CLMN: variants seen among roughly 807,000 people sequenced by gnomAD.
CLMN encodes the protein calmin.
Under a neutral mutation model 92.7 loss-of-function variants are expected in CLMN, and 57 were observed. The ratio of observed to expected loss-of-function variants is 0.61; its 90% CI spans 0.50 to 0.77. CLMN has a LOEUF of 0.77. CLMN is among the 30% of genes least tolerant of loss of function. The pLI is 0.00. For synonymous variants in CLMN, 466 were observed against 470.6 expected, an observed-to-expected ratio of 0.99 and a Z score of 0.13; for missense variants, 1,158 against 1,237.5, an observed-to-expected ratio of 0.94 and a Z score of 0.96.
At chr14:95,318,468 A>G (rs529347984) in intron 1 of CLMN, among the ~76,000 whole-genome samples, 129 of 152,226 alleles carry the variant, frequency 8.5e-4, no homozygotes, top group African/African-American at 2.0e-3. Flanking sequence ...TCCTTGCCCA[A>G]CCTAGGGGTG....
intron 1 of CLMN, among the ~76,000 whole-genome samples, chr14:95,251,421 T>G (rs1384010058): frequency 2.6e-5 from 4 of 152,238 alleles, no homozygotes; most frequent in Non-Finnish European, 4.4e-5. Flanking sequence ...GTTCCCTACT[T>G]GTCCGATTCT....
At position 95,224,400 on chromosome 14, in the gene CLMN, C is replaced by T. The variant is rs571275005; in HGVS notation, c.145-545G>A. ...CGGGTTCAAGTGATTCTCCTGCCTCCGCCTCTCGAGGAGCTGGGATTACAG... is the reference window on the plus strand; with the variant it reads ...CGGGTTCAAGTGATTCTCCTGCCTCTGCCTCTCGAGGAGCTGGGATTACAG... On this transcript the variant is annotated intron_variant, in intron 2 of 12. Transcript: ENST00000298912. Among the ~76,000 whole-genome samples, 7 of 152,200 alleles carry T rather than the reference C, an allele frequency of 4.6e-5. No individual in the cohort carries two copies. In the South Asian group the frequency reaches 6.2e-4, roughly 14 times the overall value.
At chr14:95,258,863 G>A (rs557555911) in intron 1 of CLMN, among the ~76,000 whole-genome samples, 212 of 147,614 alleles carry the variant, frequency 1.4e-3, no homozygotes, top group African/African-American at 5.1e-3. Context: ...TGTGTGTGTG[G>A]TATGTGTATG....
intron 1 of CLMN, 25 bp from the exon 2 acceptor site, chr14:95,230,158 C>A (rs774568456): frequency 6.2e-7 from 1 of 1,609,158 alleles, no homozygotes; most frequent in Admixed American, 1.7e-5. Context: ...ATACCATCAG[C>A]TGGGAGAATA....
chr14:95,250,070 A>G, intron 1 of CLMN, among the ~76,000 whole-genome samples: 1 of 152,192 alleles, frequency 6.6e-6, no homozygotes, highest in Admixed American at 6.5e-5. Flanking sequence ...GCGAAGCTGG[A>G]TTACACAACC....
At chr14:95,280,531 T>G (rs752916791) in intron 1 of CLMN, among the ~76,000 whole-genome samples, 2 of 152,232 alleles carry the variant, frequency 1.3e-5, no homozygotes, top group Non-Finnish European at 2.9e-5. Flanking sequence ...GCTAAATAAA[T>G]GACTTACGGT....
At chr14:95,236,307 TC>T (rs1898054999) in intron 1 of CLMN, among the ~76,000 whole-genome samples, 2 of 151,088 alleles carry the variant, frequency 1.3e-5, no homozygotes, top group Non-Finnish European at 3.0e-5. Context: ...AGGCGGGGGG[TC>T]TCAATGCTCC....
chr14:95,245,225 T>TTA (rs1457604912), intron 1 of CLMN, among the ~76,000 whole-genome samples: 44 of 24,342 alleles, frequency 1.8e-3, no homozygotes, highest in South Asian at 2.6e-3. Context: ...TATATATATA[T>TTA]TATATATATA....
intron 1 of CLMN, among the ~76,000 whole-genome samples, chr14:95,314,396 T>C (rs548815803): frequency 3.3e-5 from 5 of 152,174 alleles, no homozygotes; most frequent in Admixed American, 2.6e-4. Context: ...CAGTGCTTAG[T>C]AGAGCCCAGA....
chr14:95,314,880 T>C (rs1017690888), intron 1 of CLMN, among the ~76,000 whole-genome samples: 2 of 152,202 alleles, frequency 1.3e-5, no homozygotes, highest in Non-Finnish European at 2.9e-5. Flanking sequence ...GGTAGTGCCC[T>C]GGCAGGCAGT....
intron 1 of CLMN, among the ~76,000 whole-genome samples, chr14:95,270,316 C>G (rs77903345): frequency 6.6e-6 from 1 of 152,188 alleles, no homozygotes; most frequent in Admixed American, 6.5e-5. Context: ...ATATAATACA[C>G]CTATTTAAAG....
At chr14:95,292,649 G>A (rs1039194973) in intron 1 of CLMN, among the ~76,000 whole-genome samples, 7 of 152,226 alleles carry the variant, frequency 4.6e-5, no homozygotes, top group Admixed American at 6.5e-5. Context: ...GACTTCACCT[G>A]CTCTGCAGAT....
At position 95,196,639 on chromosome 14, in the gene CLMN, G is replaced by A. The variant is rs146044740; in HGVS notation, c.2567C>T (p.Thr856Met). 442 of 1,613,676 alleles carry A rather than the reference G, an allele frequency of 2.7e-4. No homozygotes were observed. Among genetic ancestry groups the A allele is most frequent in the Non-Finnish European group, 3.6e-4 (420 of 1,179,962 alleles). Residue 856 changes from threonine (T) to methionine (M), a missense_variant, in exon 10 of 13, where the codon ACG becomes ATG. Thr to Met is a moderately conservative substitution (Grantham distance 81). Coordinates refer to ENST00000298912, the MANE Select transcript of CLMN (RefSeq NM_024734.4). ...NIANPLEENV[T>M]KESISSKKKE... is the part of the protein sequence containing the mutation. ...TTTTTTACTACTGATTGATTCTTTCGTTACATTTTCTTCTAGGGGGTTTGC... is the reference window on the plus strand; with the variant it reads ...TTTTTTACTACTGATTGATTCTTTCATTACATTTTCTTCTAGGGGGTTTGC...
At chr14:95,257,544 G>C (rs553991260) in intron 1 of CLMN, among the ~76,000 whole-genome samples, 16 of 152,212 alleles carry the variant, frequency 1.1e-4, no homozygotes, top group Non-Finnish European at 2.2e-4. Context: ...GGGACGGCAC[G>C]CAAGCTTGCA....
intron 1 of CLMN, among the ~76,000 whole-genome samples, chr14:95,290,945 T>C (rs74077833): frequency 0.083 from 12,628 of 152,244 alleles, 718 homozygotes; most frequent in African/African-American, 0.16. Context: ...ATGGAGCTCC[T>C]GTGCTTGCAG....
At chr14:95,245,268 T>TAA (rs1348692434) in intron 1 of CLMN, among the ~76,000 whole-genome samples, 43 of 61,088 alleles carry the variant, frequency 7.0e-4, no homozygotes, top group African/African-American at 1.2e-3. Flanking sequence ...TATATATATA[T>TAA]ATTATATATA....
rs1446680726 is a variant in CLMN at position 95,245,208 on chromosome 14, T to TA, written c.83-15076_83-15075insT. Among the ~76,000 whole-genome samples, 174 of 19,754 alleles carry TA rather than the reference T, an allele frequency of 8.8e-3. 2 individuals carry two copies. The highest frequency in any genetic ancestry group is 0.016 in the South Asian group (9 of 548). The allele number at this position is 19,754 out of a possible 152,430, so 13.0% of individuals were successfully genotyped here. A position where few individuals can be genotyped will look rare whatever the true frequency, so the allele number is the denominator to read the frequency against. On this transcript the variant is annotated intron_variant, in intron 1 of 12. Coordinates refer to ENST00000298912, the MANE Select transcript of CLMN (RefSeq NM_024734.4). Reference sequence around the variant, plus strand: ...TATATATATATAATATATATATATATTATATATATATATATATTATATATA... The same window carrying TA: ...TATATATATATAATATATATATATATATATATATATATATATATTATATATA...
intron 4 of CLMN, among the ~76,000 whole-genome samples, chr14:95,216,611 G>A (rs1012563975): frequency 6.6e-5 from 10 of 152,194 alleles, no homozygotes; most frequent in African/African-American, 2.4e-4. Context: ...CACGGACTGT[G>A]GTGGGTGAGT....
intron 8 of CLMN, among the ~76,000 whole-genome samples, chr14:95,208,689 C>T (rs917504202): frequency 6.6e-6 from 1 of 152,186 alleles, no homozygotes; most frequent in Non-Finnish European, 1.5e-5. Context: ...ATAGTTCCCC[C>T]CTTATTTGCG....
Sources: gnomAD v4.1 joint callset for allele counts (sites outside exome capture counted in the v4.1 genomes callset) on GRCh38, gnomAD v4.1.1 for gene constraint, MANE v1.5 for transcripts, NCBI Gene and HGNC (gene_info 2026-07-23, HGNC 2026-07-21) for gene names.